PTPRG: variants seen among roughly 807,000 people sequenced by gnomAD.
The protein encoded by PTPRG is protein tyrosine phosphatase receptor type G.
A neutral mutation model predicts 165.3 loss-of-function variants in PTPRG; 102 were observed. The observed-to-expected ratio is 0.62, with a 90% CI of 0.53 to 0.73. The LOEUF (loss-of-function observed/expected upper bound fraction) is 0.73. PTPRG is among the 30% of genes least tolerant of loss of function. The pLI is 0.00. For synonymous variants in PTPRG, 675 were observed against 669.5 expected (o/e 1.01, Z -0.13); for missense variants, 1,866 against 1,861.4 (o/e 1.00, Z -0.05).
intron 26 of PTPRG, among the ~76,000 whole-genome samples, chr3:62,279,991 C>G (rs1702373340): frequency 6.6e-6 from 1 of 151,978 alleles, no homozygotes; most frequent in African/African-American, 2.4e-5. Flanking sequence ...CAGTCTCCAA[C>G]CTATGCAACA....
chr3:62,208,030 A>G (rs1341809550), intron 12 of PTPRG, among the ~76,000 whole-genome samples: 6 of 152,128 alleles, frequency 3.9e-5, no homozygotes, highest in African/African-American at 1.4e-4. Context: ...TTTTAAAACA[A>G]TTTCTGCTTT....
At chr3:61,962,811 C>T (rs945048574) in intron 2 of PTPRG, among the ~76,000 whole-genome samples, 8 of 152,020 alleles carry the variant, frequency 5.3e-5, no homozygotes, top group South Asian at 2.1e-4. Flanking sequence ...TGTGTTTTTA[C>T]GGTACTCATA....
In PTPRG at chr3:62,029,688, G is replaced by T. The variant is rs184511831; in HGVS notation, c.519+26191G>T. Reference sequence around the variant, plus strand: ...CAGCCAGTCATTTCCCATTCTGATTGTGCCAAAAGGAGGCAGGATGAAGGG... The same window carrying T: ...CAGCCAGTCATTTCCCATTCTGATTTTGCCAAAAGGAGGCAGGATGAAGGG... On this transcript the variant is annotated intron_variant, in intron 4 of 29. Transcript: ENST00000474889. Among the ~76,000 whole-genome samples, 81 of 152,290 alleles carry T rather than the reference G, an allele frequency of 5.3e-4. No homozygotes were observed. In the East Asian group the frequency reaches 0.014, roughly 27 times the overall value.
At chr3:62,083,539 A>G (rs1449600693) in intron 5 of PTPRG, among the ~76,000 whole-genome samples, 1 of 152,270 alleles carries the variant, frequency 6.6e-6, no homozygotes, top group African/African-American at 2.4e-5. Context: ...CCAGGTTTAC[A>G]TGAAATAGAA....
intron 15 of PTPRG, among the ~76,000 whole-genome samples, chr3:62,250,195 C>T (rs1310239284): frequency 6.6e-6 from 1 of 152,226 alleles, no homozygotes; most frequent in Non-Finnish European, 1.5e-5. Context: ...TCATAACACT[C>T]TATGAATTAA....
intron 1 of PTPRG, among the ~76,000 whole-genome samples, chr3:61,636,307 T>G (rs571140503): frequency 9.2e-5 from 14 of 152,200 alleles, no homozygotes; most frequent in Admixed American, 6.5e-4. Context: ...AAAGAAACCT[T>G]ATACCCATTA....
At chr3:62,163,303 C>T (rs996745973) in intron 7 of PTPRG, among the ~76,000 whole-genome samples, 5 of 152,136 alleles carry the variant, frequency 3.3e-5, no homozygotes, top group African/African-American at 9.7e-5. Flanking sequence ...GTCAATAAAA[C>T]TTATACTAAT....
chr3:61,934,163 G>A (rs1041984213), intron 2 of PTPRG, among the ~76,000 whole-genome samples: 8 of 152,206 alleles, frequency 5.3e-5, no homozygotes, highest in South Asian at 2.1e-4. Flanking sequence ...AGTCTTAAGC[G>A]TAGCTCTCAT....
In PTPRG at chr3:61,590,057, A is replaced by C. The variant is rs546474202; in HGVS notation, c.85+27685A>C. Among the ~76,000 whole-genome samples the C allele has an allele frequency of 3.9e-5, 6 of 152,062 alleles. No individual in the cohort carries two copies. In the East Asian group the frequency reaches 1.2e-3, roughly 29 times the overall value. On this transcript the variant is annotated intron_variant, in intron 1 of 29. Transcript: ENST00000474889. ...ACGTGGTAAGTGGTGACTCAGGATG[A>C]CACAGCTCTTTGGAAATGCCTAGAG...
At chr3:61,888,859 T>C (rs562902877) in intron 2 of PTPRG, among the ~76,000 whole-genome samples, 2 of 152,328 alleles carry the variant, frequency 1.3e-5, no homozygotes, top group East Asian at 1.9e-4. Flanking sequence ...TGTCTTTGAA[T>C]CTTATGAAAT....
chr3:61,765,941 G>A (rs2034002109), intron 2 of PTPRG, among the ~76,000 whole-genome samples: 1 of 152,162 alleles, frequency 6.6e-6, no homozygotes, highest in Non-Finnish European at 1.5e-5. Flanking sequence ...ATAGATTCAT[G>A]TGGTCACCGC....
intron 3 of PTPRG, among the ~76,000 whole-genome samples, chr3:62,002,610 A>G (rs1010324489): frequency 6.6e-6 from 1 of 152,196 alleles, no homozygotes. Flanking sequence ...TTTGAAATTT[A>G]GGGTTGGAAT....
At chr3:62,027,617 C>T (rs1699606917) in intron 4 of PTPRG, among the ~76,000 whole-genome samples, 1 of 152,196 alleles carries the variant, frequency 6.6e-6, no homozygotes, top group Non-Finnish European at 1.5e-5. Flanking sequence ...AGTGCCAACT[C>T]ATATTTTAAG....
intron 5 of PTPRG, among the ~76,000 whole-genome samples, chr3:62,093,315 C>G (rs115368564): frequency 3.3e-5 from 5 of 152,160 alleles, no homozygotes; most frequent in African/African-American, 1.2e-4. Flanking sequence ...TTCTCAACTC[C>G]TGAGGTTCAT....
intron 8 of PTPRG, among the ~76,000 whole-genome samples, chr3:62,178,062 G>T (rs1002188165): frequency 6.6e-6 from 1 of 151,928 alleles, no homozygotes; most frequent in Non-Finnish European, 1.5e-5. Context: ...TGGGTGGATG[G>T]ATGGATGGAT....
intron 1 of PTPRG, among the ~76,000 whole-genome samples, chr3:61,695,521 T>C (rs2030520843): frequency 6.6e-6 from 1 of 152,224 alleles, no homozygotes; most frequent in South Asian, 2.1e-4. Context: ...GACTAAAGGA[T>C]TTCTGTTCCC....
chr3:62,289,642 A>G (rs1025502708), intron 28 of PTPRG, among the ~76,000 whole-genome samples: 1 of 151,302 alleles, frequency 6.6e-6, no homozygotes, highest in African/African-American at 2.4e-5. Context: ...TTTAAGAGAC[A>G]TTTCAAAAAA....
intron 8 of PTPRG, among the ~76,000 whole-genome samples, chr3:62,186,781 GCT>G (rs1332147850): frequency 6.6e-6 from 1 of 151,976 alleles, no homozygotes; most frequent in Admixed American, 6.6e-5. Flanking sequence ...TGTCCAGGTT[GCT>G]CTCGAACTCC....
intron 5 of PTPRG, among the ~76,000 whole-genome samples, chr3:62,098,700 G>A (rs1702194039): frequency 6.6e-6 from 1 of 152,188 alleles, no homozygotes; most frequent in South Asian, 2.1e-4. Context: ...TTTTTCTGTA[G>A]TAGTTGGCCT....
Sources: gnomAD v4.1 joint callset for allele counts (sites outside exome capture counted in the v4.1 genomes callset) on GRCh38, gnomAD v4.1.1 for gene constraint, MANE v1.5 for transcripts, NCBI Gene and HGNC (gene_info 2026-07-23, HGNC 2026-07-21) for gene names.